Variants in HSD17B6 observed in about 807,000 individuals in gnomAD.
The protein encoded by HSD17B6 is 17-beta-hydroxysteroid dehydrogenase type 6.
HSD17B6 carries 16 observed loss-of-function variants against 26.4 expected under a neutral mutation model. The ratio of observed to expected loss-of-function variants is 0.61; its 90% CI spans 0.41 to 0.92. The LOEUF is 0.92. Ranked by LOEUF, HSD17B6 falls within the 40% of genes least tolerant of loss-of-function variation. The pLI, the probability that HSD17B6 is intolerant of heterozygous loss-of-function variation, is 0.00. For synonymous variants in HSD17B6, 139 were observed against 153.0 expected (o/e 0.91, Z 0.68); for missense variants, 357 against 386.1 (o/e 0.92, Z 0.63).
intron 2 of HSD17B6, among the ~76,000 whole-genome samples, chr12:56,774,516 G>C (rs1297055553): frequency 6.6e-6 from 1 of 152,202 alleles, no homozygotes; most frequent in Non-Finnish European, 1.5e-5. Context: ...AGGGAGTGGG[G>C]ATGGTTTTGG....
intron 2 of HSD17B6, among the ~76,000 whole-genome samples, chr12:56,774,806 G>A (rs778274250): frequency 5.5e-4 from 84 of 152,250 alleles, no homozygotes; most frequent in Non-Finnish European, 8.7e-4. Flanking sequence ...TGACCTGACA[G>A]GAGGCGGAGC....
At position 56,772,393 on chromosome 12, in the gene HSD17B6, A is replaced by G. The variant is rs193289329; in HGVS notation, c.-19-1441A>G. The stretch of plus-strand genomic sequence containing the variant: ...GAATGAAAGTGATGATTAGGCTGAG[A>G]CTTAAAAGATGAGTGTTATGGCTGG... On this transcript the variant is annotated intron_variant, in intron 1 of 4. Coordinates refer to ENST00000322165, the MANE Select transcript of HSD17B6 (RefSeq NM_003725.4). Among the ~76,000 whole-genome samples the G allele has an allele frequency of 1.8e-4, 28 of 152,196 alleles. No homozygotes were observed. In the East Asian group the frequency reaches 5.2e-3, roughly 28 times the overall value.
rs577269982 is a variant in HSD17B6, at chr12:56,772,142, T to C, written c.-19-1692T>C. 5.9e-5 allele frequency among the ~76,000 whole-genome samples: 9 copies of C among 152,280 alleles called. No individual in the cohort carries two copies. The East Asian group carries it at 1.7e-3, about 29-fold the overall frequency. On this transcript the variant is annotated intron_variant, in intron 1 of 4. Coordinates refer to ENST00000322165, the MANE Select transcript of HSD17B6 (RefSeq NM_003725.4). ...TAGTACACCTGTAGATCTCAACTTATATTTTATTCTCTCTAGGAAGCTTCT... is the reference window on the plus strand; with the variant it reads ...TAGTACACCTGTAGATCTCAACTTACATTTTATTCTCTCTAGGAAGCTTCT...
intron 2 of HSD17B6, among the ~76,000 whole-genome samples, chr12:56,781,397 A>G (rs1476958540): frequency 2.0e-5 from 3 of 152,172 alleles, no homozygotes; most frequent in Non-Finnish European, 4.4e-5. Context: ...ACAAATTTTA[A>G]AATTTCAATA....
chr12:56,780,227 G>C (rs1265054929), intron 2 of HSD17B6, among the ~76,000 whole-genome samples: 2 of 151,952 alleles, frequency 1.3e-5, no homozygotes, highest in Non-Finnish European at 2.9e-5. Flanking sequence ...TTATTTTTTG[G>C]GGGGTGTAAA....
chr12:56,783,812 G>A (rs1325975726), intron 3 of HSD17B6, among the ~76,000 whole-genome samples: 3 of 150,770 alleles, frequency 2.0e-5, no homozygotes, highest in Admixed American at 2.0e-4. Context: ...CTGGCCGGGC[G>A]GGGGCTGACC....
At chr12:56,770,591 A>G (rs1275393866) in intron 1 of HSD17B6, 1 of 152,074 alleles carries the variant, frequency 6.6e-6, no homozygotes, top group Non-Finnish European at 1.5e-5. Flanking sequence ...ATTTTTACTT[A>G]GTATAACTTA....
chr12:56,782,046 ACT>A lies in HSD17B6; in HGVS notation c.389_390del (p.Ser130TyrfsTer63). 1 of 1,614,086 alleles carries A rather than the reference ACT, an allele frequency of 6.2e-7. No individual in the cohort carries two copies. The highest frequency in any genetic ancestry group is 8.5e-7 in the Non-Finnish European group (1 of 1,180,006). ...TTATGTGAGTGGCTGAACACTGAGG[ACT>A]CTATGAATATGCTCAAAGTGAACCT... On this transcript the variant is annotated frameshift_variant, in exon 3 of 5. Transcript: ENST00000322165. LOFTEE classifies it high-confidence loss of function.
chr12:56,768,100 A>C (rs1356181781), intron 1 of HSD17B6, among the ~76,000 whole-genome samples: 3 of 152,230 alleles, frequency 2.0e-5, no homozygotes, highest in Admixed American at 1.3e-4. Flanking sequence ...ACAGGGAGTC[A>C]CAGACAGAAT....
rs1218130192 is a variant in HSD17B6 at position 56,787,307 on chromosome 12, A to T, written c.919A>T (p.Thr307Ser). Reference sequence around the variant, plus strand: ...TACATCACTGGCAGACTACATTTTGACTAGATCTTGGCCCAAACCAGCCCA... The same window carrying T: ...TACATCACTGGCAGACTACATTTTGTCTAGATCTTGGCCCAAACCAGCCCA... Reference protein sequence around the residue: ...LPTSLADYILTRSWPKPAQAV With the variant: ...LPTSLADYILSRSWPKPAQAV The change falls in exon 5 of 5, where the codon ACT becomes TCT. Residue 307 changes from threonine to serine, a missense_variant. By Grantham distance (58) the Thr-to-Ser change is moderately conservative. Coordinates refer to ENST00000322165, the MANE Select transcript of HSD17B6 (RefSeq NM_003725.4). 1.2e-6 allele frequency: 2 copies of T among 1,613,998 alleles called. No homozygotes were observed. The highest frequency in any genetic ancestry group is 2.7e-5 in the African/African-American group (2 of 74,942).
In HSD17B6 at chr12:56,787,459, C is replaced by T; in HGVS notation, c.*117C>T. 1 of 671,358 alleles carries T rather than the reference C, an allele frequency of 1.5e-6. No homozygotes were observed. The highest frequency in any genetic ancestry group is 1.9e-5 in the South Asian group (1 of 52,292). The allele number at this position is 671,358 out of a possible 1,614,324, so 41.6% of individuals were successfully genotyped here. A position where few individuals can be genotyped will look rare whatever the true frequency, so the allele number is the denominator to read the frequency against. On this transcript the variant is annotated 3_prime_UTR_variant, in exon 5 of 5. Coordinates refer to ENST00000322165, the MANE Select transcript of HSD17B6 (RefSeq NM_003725.4). ...AACAATGTGTTTTCTTGCCTAAATTCATTTATCTGGCATCATCAGAGTACT... is the reference window on the plus strand; with the variant it reads ...AACAATGTGTTTTCTTGCCTAAATTTATTTATCTGGCATCATCAGAGTACT...
intron 4 of HSD17B6, among the ~76,000 whole-genome samples, 153 bp from the exon 5 acceptor site, chr12:56,786,972 T>C (rs60504608): frequency 0.074 from 11,258 of 152,304 alleles, 447 homozygotes; most frequent in Middle Eastern, 0.13. Flanking sequence ...AAGTGCTCAA[T>C]AGCTACATGT....
At position 56,777,679 on chromosome 12, in the gene HSD17B6, T is replaced by A. The variant is rs565474220; in HGVS notation, c.313+3514T>A. 5.3e-5 allele frequency among the ~76,000 whole-genome samples: 8 copies of A among 152,182 alleles called. No homozygotes were observed. The South Asian group carries it at 1.0e-3, about 20-fold the overall frequency. On this transcript the variant is annotated intron_variant, in intron 2 of 4. Coordinates refer to ENST00000322165, the MANE Select transcript of HSD17B6 (RefSeq NM_003725.4). ...CACCTGGCCCAAAGTGTAAATTTTT[T>A]AAAAAACAATTTACTTTAAACTTGA...
intron 1 of HSD17B6, among the ~76,000 whole-genome samples, chr12:56,769,899 G>A (rs1395855198): frequency 2.0e-5 from 3 of 152,170 alleles, no homozygotes; most frequent in South Asian, 2.1e-4. Flanking sequence ...CTAGGCATGC[G>A]ATGGCTGAAT....
chr12:56,776,304 CTT>C (rs141890070), intron 2 of HSD17B6, among the ~76,000 whole-genome samples: 10 of 114,798 alleles, frequency 8.7e-5, no homozygotes, highest in Admixed American at 1.9e-4. Context: ...CATGTCTTGC[CTT>C]TTTTTTTTTT....
intron 1 of HSD17B6, among the ~76,000 whole-genome samples, chr12:56,764,078 AAAAAAAAAAAAAGAAGAAAGAAAAAAAG>A (rs1954268633): frequency 6.6e-6 from 1 of 150,626 alleles, no homozygotes; most frequent in Non-Finnish European, 1.5e-5. Context: ...CAAAAAAAAA[AAAAAAAAAAAAAGAAGAAAGAAAAAAAG>A]AAAAAAAAAA....
chr12:56,766,330 TC>T (rs1180240070), intron 1 of HSD17B6, among the ~76,000 whole-genome samples: 1 of 152,320 alleles, frequency 6.6e-6, no homozygotes, highest in East Asian at 1.9e-4. Flanking sequence ...GTAGTCGGAA[TC>T]ATCCAGAGTA....
At chr12:56,776,114 T>C (rs894993648) in intron 2 of HSD17B6, among the ~76,000 whole-genome samples, 1 of 151,942 alleles carries the variant, frequency 6.6e-6, no homozygotes, top group African/African-American at 2.4e-5. Context: ...TTAGTAGAGA[T>C]GGGTTTTCAC....
At position 56,774,171 on chromosome 12, in the gene HSD17B6, A is replaced by C. The variant is rs1938011259; in HGVS notation, c.313+6A>C. ...GGAGCATGTGGGGGACAGAGGTATGAAATATTTTCTCCTTTTATTTACTTA... is the reference window on the plus strand; with the variant it reads ...GGAGCATGTGGGGGACAGAGGTATGCAATATTTTCTCCTTTTATTTACTTA... On this transcript the variant is annotated splice_donor_region_variant and intron_variant, in intron 2 of 4. Transcript: ENST00000322165. The C allele has an allele frequency of 2.0e-6, 3 of 1,533,362 alleles. No homozygotes were observed. The highest frequency in any genetic ancestry group is 2.6e-6 in the Non-Finnish European group (3 of 1,140,638). The allele number at this position is 1,533,362 out of a possible 1,614,324, so 95.0% of individuals were successfully genotyped here. A position where few individuals can be genotyped will look rare whatever the true frequency, so the allele number is the denominator to read the frequency against.
Sources: allele counts gnomAD v4.1 joint callset (sites outside exome capture counted in the v4.1 genomes callset), GRCh38; gene constraint gnomAD v4.1.1; transcripts MANE v1.5; gene names NCBI Gene and HGNC (gene_info 2026-07-23, HGNC 2026-07-21).